SHC3: variants seen among roughly 807,000 people sequenced by gnomAD.
SHC3 encodes SHC adaptor protein 3.
In SHC3, 15 loss-of-function variants were observed where a neutral mutation model predicts 60.4. The observed-to-expected ratio is 0.25, with a 90% CI of 0.17 to 0.38. The LOEUF (loss-of-function observed/expected upper bound fraction) is 0.38. Among genes scored for constraint, SHC3 ranks in the 10% least tolerant of loss-of-function variants. The pLI is 1.00. For missense variants in SHC3, 677 were observed against 786.1 expected (o/e 0.86, Z 1.66); for synonymous variants, 294 against 325.9 (o/e 0.90, Z 1.05).
At chr9:89,014,058 A>T (rs1368732518) in intron 11 of SHC3, among the ~76,000 whole-genome samples, 3 of 152,162 alleles carry the variant, frequency 2.0e-5, no homozygotes, top group Non-Finnish European at 4.4e-5. Context: ...ACCTCCAGGC[A>T]GCCTTCCTTC....
intron 11 of SHC3, among the ~76,000 whole-genome samples, chr9:89,021,710 G>A (rs1037336504): frequency 1.1e-4 from 17 of 152,228 alleles, no homozygotes; most frequent in African/African-American, 4.1e-4. Flanking sequence ...CTCGGGGCCA[G>A]TAGAACACAG....
At chr9:89,068,532 TG>T (rs1825218787) in intron 5 of SHC3, among the ~76,000 whole-genome samples, 2 of 152,216 alleles carry the variant, frequency 1.3e-5, no homozygotes, top group Admixed American at 1.3e-4. Flanking sequence ...AAAATGCATT[TG>T]GATTGGTTAA....
chr9:89,154,746 G>A (rs1294668587), intron 1 of SHC3, among the ~76,000 whole-genome samples: 1 of 152,024 alleles, frequency 6.6e-6, no homozygotes, highest in Non-Finnish European at 1.5e-5. Context: ...TCTTACGTAC[G>A]ACAAGGAAGC....
intron 11 of SHC3, among the ~76,000 whole-genome samples, chr9:89,031,451 T>C (rs1314448809): frequency 1.3e-5 from 2 of 152,214 alleles, no homozygotes; most frequent in Non-Finnish European, 2.9e-5. Flanking sequence ...TCGGTCTCTG[T>C]AGATTTTTTC....
chr9:89,178,268 C>T lies in SHC3; in HGVS notation c.193G>A (p.Gly65Ser), dbSNP rs1427288942. ...TGGGACACCTTGTGGAGCAGGTGGCCCAGGCTGCCGGGCCCATCGTCGGGC... is the reference window on the plus strand; with the variant it reads ...TGGGACACCTTGTGGAGCAGGTGGCTCAGGCTGCCGGGCCCATCGTCGGGC... ...KAPDDGPGSLGHLLHKVSHLK... is the reference protein window; with the variant it reads ...KAPDDGPGSLSHLLHKVSHLK... Residue 65 changes from glycine (G) to serine (S), a missense_variant, in exon 1 of 12, where the codon GGC (glycine) becomes AGC (serine). By Grantham distance (56) the Gly-to-Ser change is moderately conservative. Coordinates refer to ENST00000375835, the MANE Select transcript of SHC3 (RefSeq NM_016848.6). The surrounding 1 kb of genome is among the most constrained non-coding windows in gnomAD (Gnocchi z 6.9). 6.5e-7 allele frequency: 1 copy of T among 1,542,008 alleles called. No individual in the cohort carries two copies.
At chr9:89,106,611 C>T (rs1587730567) in intron 2 of SHC3, among the ~76,000 whole-genome samples, 1 of 152,150 alleles carries the variant, frequency 6.6e-6, no homozygotes, top group Non-Finnish European at 1.5e-5. Context: ...AAGGGCCCAG[C>T]GCCCACAGCG....
At chr9:89,143,246 G>A (rs1447957280) in intron 1 of SHC3, among the ~76,000 whole-genome samples, 3 of 152,146 alleles carry the variant, frequency 2.0e-5, no homozygotes, top group Non-Finnish European at 1.5e-5. Flanking sequence ...ACTCCCTGAT[G>A]TTGCCATGGC....
At chr9:89,132,358 C>T (rs1381964803) in intron 1 of SHC3, among the ~76,000 whole-genome samples, 5 of 152,106 alleles carry the variant, frequency 3.3e-5, no homozygotes, top group South Asian at 2.1e-4. Context: ...AGATTCAATG[C>T]CATCCCCATC....
At chr9:89,015,291 G>A (rs772587269) in intron 11 of SHC3, among the ~76,000 whole-genome samples, 7 of 152,226 alleles carry the variant, frequency 4.6e-5, no homozygotes, top group Non-Finnish European at 1.0e-4. Flanking sequence ...TGACACTCAC[G>A]TAAGTTCTGG....
intron 1 of SHC3, among the ~76,000 whole-genome samples, chr9:89,128,618 G>A (rs1037956561): frequency 3.9e-5 from 6 of 152,170 alleles, no homozygotes; most frequent in Non-Finnish European, 8.8e-5. Flanking sequence ...AGCCTCCGCT[G>A]GTGATATTCA....
Position 89,071,261 on chromosome 9 carries a change from C to T in SHC3, c.730-9G>A, listed in dbSNP as rs768966284. On this transcript the variant is annotated splice_polypyrimidine_tract_variant and intron_variant, in intron 4 of 11. Transcript: ENST00000375835. ...TGGTGATTCGCTATGATCTGCCAGG[C>T]CCAAAACAAGAAACGAGATGTGCTG... The T allele has an allele frequency of 6.2e-7, 1 of 1,613,964 alleles. No homozygotes were observed. Among genetic ancestry groups the T allele is most frequent in the South Asian group, 1.1e-5 (1 of 91,044 alleles).
chr9:89,152,986 C>T (rs935553296), intron 1 of SHC3, among the ~76,000 whole-genome samples: 1 of 152,086 alleles, frequency 6.6e-6, no homozygotes, highest in East Asian at 1.9e-4. Context: ...TGGGAGGTAT[C>T]AAATACAAAA....
chr9:89,066,850 G>A (rs1369725579), intron 5 of SHC3, among the ~76,000 whole-genome samples: 2 of 152,136 alleles, frequency 1.3e-5, no homozygotes, highest in Non-Finnish European at 2.9e-5. Flanking sequence ...GAGAGATGAG[G>A]GAGAGAATGA....
At chr9:89,109,473 T>G (rs1203867659) in intron 2 of SHC3, 20 of 985,304 alleles carry the variant, frequency 2.0e-5, no homozygotes, top group Non-Finnish European at 2.3e-5. Context: ...GTGGTGAAAG[T>G]TTTTACCTTG....
intron 10 of SHC3, among the ~76,000 whole-genome samples, chr9:89,040,213 TCATCATCACCACCAC>T (rs1824660643): frequency 2.0e-3 from 5 of 2,488 alleles, no homozygotes; most frequent in East Asian, 0.011. Flanking sequence ...ATCACCATCA[TCATCATCACCACCAC>T]CATCACCACC....
At chr9:89,064,144 C>T (rs867884363) in intron 6 of SHC3, among the ~76,000 whole-genome samples, 1 of 152,208 alleles carries the variant, frequency 6.6e-6, no homozygotes, top group African/African-American at 2.4e-5. Context: ...ACCTAATGAC[C>T]TCCCAAAGAC....
At chr9:89,176,253 C>T (rs1388520304) in intron 1 of SHC3, among the ~76,000 whole-genome samples, 3 of 152,216 alleles carry the variant, frequency 2.0e-5, no homozygotes, top group African/African-American at 2.4e-5. Flanking sequence ...AGTCACAAAC[C>T]TTACAGCAAC....
chr9:89,090,773 A>G (rs1825609669), intron 2 of SHC3, among the ~76,000 whole-genome samples: 2 of 152,214 alleles, frequency 1.3e-5, no homozygotes, highest in East Asian at 1.9e-4. Flanking sequence ...CATGGGTGGT[A>G]TCATGAATGC....
chr9:89,131,047 T>C lies in SHC3; in HGVS notation c.475-18421A>G, dbSNP rs568723738. On this transcript the variant is annotated intron_variant, in intron 1 of 11. Transcript: ENST00000375835. ...AAGAAGAAAAGAGAGAACAATCAAA[T>C]AGACGAAATAAAAAATGATAAAGGG... is the stretch of plus-strand genomic sequence containing the variant. Among the ~76,000 whole-genome samples the C allele has an allele frequency of 2.0e-5, 3 of 151,982 alleles. No individual in the cohort carries two copies. In the East Asian group the frequency reaches 5.8e-4, roughly 29 times the overall value.
Sources: allele counts gnomAD v4.1 joint callset (sites outside exome capture counted in the v4.1 genomes callset), GRCh38; gene constraint gnomAD v4.1.1; non-coding constraint Gnocchi (gnomAD v3.1); transcripts MANE v1.5; gene names NCBI Gene and HGNC (gene_info 2026-07-23, HGNC 2026-07-21).